Variants in ZNF330 observed in about 807,000 individuals in gnomAD.
ZNF330 encodes nucleolar atypical zinc finger.
In ZNF330, 31 loss-of-function variants were observed where a neutral mutation model predicts 45.5. That is an observed-to-expected ratio of 0.68 (90% confidence interval 0.51 to 0.92). ZNF330 has a LOEUF of 0.92. Among genes scored for constraint, ZNF330 ranks in the 40% least tolerant of loss-of-function variants. The pLI, the probability that ZNF330 is intolerant of heterozygous loss-of-function variation, is 0.00. For synonymous variants in ZNF330, 138 were observed against 123.2 expected (o/e 1.12, Z -0.79); for missense variants, 356 against 387.4 (o/e 0.92, Z 0.68).
chr4:141,227,467 C>G (rs939290019), intron 5 of ZNF330, among the ~76,000 whole-genome samples: 3 of 152,082 alleles, frequency 2.0e-5, no homozygotes, highest in African/African-American at 4.8e-5. Context: ...AGGACATGAA[C>G]TCATCATTTT....
intron 4 of ZNF330, among the ~76,000 whole-genome samples, chr4:141,225,167 A>C (rs1728773838): frequency 6.6e-6 from 1 of 152,048 alleles, no homozygotes; most frequent in African/African-American, 2.4e-5. Context: ...GTTTCCTCAC[A>C]TGTATTCCCA....
rs530474252 is a variant in ZNF330 at position 141,233,830 on chromosome 4, C to A, written c.804C>A (p.His268Gln). 6.2e-7 allele frequency: 1 copy of A among 1,613,444 alleles called. No homozygotes were observed. The highest frequency in any genetic ancestry group is 1.1e-5 in the South Asian group (1 of 91,062). Residue 268 changes from histidine (H) to glutamine (Q), a missense_variant, in exon 10 of 10, where the codon CAC becomes CAA. Transcript: ENST00000262990. ...ATAAGTATGGTGATACCAGCTACCA[C>A]GATGAGGAGGAGGATGAGTATGAAG... The part of the protein sequence containing the change: ...SSDKYGDTSY[H>Q]DEEEDEYEAE...
chr4:141,222,467 T>C lies in ZNF330; in HGVS notation c.96T>C (p.Ala32=). ...LRASRSTIDL[A]KHPCNASMEC... is the part of the protein sequence containing the mutation. ...CATCAAGAAGCACTATAGATTTAGC[T>C]AAACATCCATGTAATGCCTCAATGG... The change falls in exon 2 of 10, where the codon GCT becomes GCC. Residue 32 remains alanine, a synonymous_variant. Transcript: ENST00000262990. 6.2e-7 allele frequency: 1 copy of C among 1,613,510 alleles called. No individual in the cohort carries two copies. Among genetic ancestry groups the C allele is most frequent in the Non-Finnish European group, 8.5e-7 (1 of 1,179,722 alleles).
chr4:141,225,568 G>A (rs900073821), intron 4 of ZNF330, among the ~76,000 whole-genome samples: 1 of 151,572 alleles, frequency 6.6e-6, no homozygotes, highest in Non-Finnish European at 1.5e-5. Context: ...ACAATTTGGG[G>A]TATGCTCATT....
At chr4:141,232,707 T>G in intron 9 of ZNF330, 65 bp downstream of exon 9, 1 of 886,106 alleles carries the variant, frequency 1.1e-6, no homozygotes, top group Non-Finnish European at 1.6e-6. Flanking sequence ...TTTATCTTTT[T>G]TTTTTTTGGT....
Position 141,233,711 on chromosome 4 carries a change from A to G in ZNF330, c.689-4A>G, listed in dbSNP as rs1372818902. 1 of 1,612,308 alleles carries G rather than the reference A, an allele frequency of 6.2e-7. No homozygotes were observed. The highest frequency in any genetic ancestry group is 8.5e-7 in the Non-Finnish European group (1 of 1,179,046). On this transcript the variant is annotated splice_region_variant and splice_polypyrimidine_tract_variant and intron_variant, in intron 9 of 9. Transcript: ENST00000262990. ...AATGCCTTGTACTTGTCTGTCTTCT[A>G]TAGCACGCTCCCTGAAATTTGGCAG... is the stretch of plus-strand genomic sequence containing the variant.
At chr4:141,224,411 T>C in intron 2 of ZNF330, 76 bp from the exon 3 acceptor site, 1 of 1,387,478 alleles carries the variant, frequency 7.2e-7, no homozygotes, top group South Asian at 1.2e-5. Flanking sequence ...GAAAAGCAGG[T>C]TATTCTTTGT....
chr4:141,223,364 A>T (rs1728730125), intron 2 of ZNF330, among the ~76,000 whole-genome samples: 1 of 152,128 alleles, frequency 6.6e-6, no homozygotes, highest in African/African-American at 2.4e-5. Context: ...GGGGAAGGAT[A>T]TACCTGGGAC....
chr4:141,231,078 A>G lies in ZNF330; in HGVS notation c.524-361A>G, dbSNP rs138745096. On this transcript the variant is annotated intron_variant, in intron 7 of 9. Coordinates refer to ENST00000262990, the MANE Select transcript of ZNF330 (RefSeq NM_014487.6). ...ATACTTATTTATAAATTTAAAGTAG[A>G]TAAGTCATCTCTGTGATATACATAC... 2.3e-3 allele frequency among the ~76,000 whole-genome samples: 350 copies of G among 152,196 alleles called. 3 individuals carry two copies. The highest frequency in any genetic ancestry group is 7.9e-3 in the African/African-American group (330 of 41,548).
chr4:141,224,532 AC>A, intron 3 of ZNF330, 26 bp downstream of exon 3: 1 of 1,606,048 alleles, frequency 6.2e-7, no homozygotes, highest in African/African-American at 1.3e-5. Context: ...TTTTCTATCT[AC>A]CTTTAATAAA....
chr4:141,222,366 G>C lies in ZNF330; in HGVS notation c.-6G>C. ...TTTCTGTTCTCTTGTGTCAAAATAG[G>C]GGAAAATGCCTAAAAAAAAGACTGG... On this transcript the variant is annotated splice_region_variant and 5_prime_UTR_variant, in exon 2 of 10. Coordinates refer to ENST00000262990, the MANE Select transcript of ZNF330 (RefSeq NM_014487.6). The C allele has an allele frequency of 6.2e-7, 1 of 1,611,240 alleles. No individual in the cohort carries two copies. The highest frequency in any genetic ancestry group is 1.7e-5 in the Admixed American group (1 of 59,530).
chr4:141,231,719 C>T (rs1728963630), intron 8 of ZNF330, among the ~76,000 whole-genome samples: 1 of 152,044 alleles, frequency 6.6e-6, no homozygotes, highest in Non-Finnish European at 1.5e-5. Flanking sequence ...TCTCTGGAAT[C>T]CTGGCTCTGT....
At chr4:141,232,491 T>C in intron 8 of ZNF330, 34 bp from the exon 9 acceptor site, 2 of 1,194,044 alleles carry the variant, frequency 1.7e-6, no homozygotes, top group Non-Finnish European at 2.3e-6. Flanking sequence ...TTTACATTTT[T>C]ATTTATTTAC....
chr4:141,222,534 T>C (rs1728707396), intron 2 of ZNF330, 43 bp downstream of exon 2: 1 of 1,592,374 alleles, frequency 6.3e-7, no homozygotes, highest in African/African-American at 1.4e-5. Flanking sequence ...GGAAAAACTA[T>C]ATACTATTTT....
intron 6 of ZNF330, 58 bp from the exon 7 acceptor site, chr4:141,230,108 T>C (rs3756106): frequency 0.28 from 335,111 of 1,215,954 alleles, 51,344 homozygotes; most frequent in East Asian, 0.61. Context: ...ATTATAGATA[T>C]GAGTTTTTTT....
At chr4:141,223,237 C>T (rs527839741) in intron 2 of ZNF330, among the ~76,000 whole-genome samples, 1 of 152,166 alleles carries the variant, frequency 6.6e-6, no homozygotes, top group South Asian at 2.1e-4. Context: ...GTTTATAGCT[C>T]AGTTATGTTG....
chr4:141,230,107 A>G (rs1463562524), intron 6 of ZNF330, 59 bp from the exon 7 acceptor site: 22 of 1,203,256 alleles, frequency 1.8e-5, no homozygotes, highest in Non-Finnish European at 2.5e-5. Flanking sequence ...TATTATAGAT[A>G]TGAGTTTTTT....
chr4:141,229,069 A>AG (rs1391738002), intron 5 of ZNF330, among the ~76,000 whole-genome samples: 1 of 151,984 alleles, frequency 6.6e-6, no homozygotes, highest in Non-Finnish European at 1.5e-5. Flanking sequence ...TTGTCATAAG[A>AG]GAAAAAAAGA....
chr4:141,232,211 T>G (rs1212369615), intron 8 of ZNF330, among the ~76,000 whole-genome samples: 4 of 152,130 alleles, frequency 2.6e-5, no homozygotes, highest in Non-Finnish European at 4.4e-5. Context: ...GACCATACAC[T>G]GTGTGAGAGT....
Sources: gnomAD v4.1 joint callset for allele counts (sites outside exome capture counted in the v4.1 genomes callset) on GRCh38, gnomAD v4.1.1 for gene constraint, MANE v1.5 for transcripts, NCBI Gene and HGNC (gene_info 2026-07-23, HGNC 2026-07-21) for gene names.